Variants in PPARA observed in about 807,000 individuals in gnomAD.
PPARA encodes the protein peroxisome proliferator-activated receptor alpha.
Under a neutral mutation model 42.2 loss-of-function variants are expected in PPARA, and 22 were observed. That is an observed-to-expected ratio of 0.52 (90% CI 0.37 to 0.74). PPARA has a LOEUF of 0.74. PPARA is among the 30% of genes least tolerant of loss of function. PPARA has a pLI of 0.00. For synonymous variants in PPARA, 242 were observed against 239.3 expected, an observed-to-expected ratio of 1.01 and a Z score of -0.10; for missense variants, 465 against 608.2, an observed-to-expected ratio of 0.76 and a Z score of 2.48.
In PPARA at chr22:46,162,678, T is replaced by C. The variant is rs16994933; in HGVS notation, c.-127+10708T>C. Among the ~76,000 whole-genome samples, 5,230 of 152,266 alleles carry C rather than the reference T, an allele frequency of 0.034. 313 individuals carry two copies. The highest frequency in any genetic ancestry group is 0.12 in the African/African-American group (4,976 of 41,524). ...GGTTGAACCCGGAGCCTCTTGCTGG[T>C]AGGTGCTTCAGGACTGGCTCTGGGA... On this transcript the variant is annotated intron_variant, in intron 2 of 8. Coordinates refer to ENST00000407236, the MANE Select transcript of PPARA (RefSeq NM_005036.6). This position sits in a 1 kb window ranked among gnomAD's most constrained non-coding sequence, Gnocchi z 6.0.
intron 2 of PPARA, among the ~76,000 whole-genome samples, chr22:46,170,236 G>C (rs1214636717): frequency 6.6e-6 from 1 of 150,918 alleles, no homozygotes; most frequent in Non-Finnish European, 1.5e-5. Context: ...TTTGGTGGCA[G>C]GGGGGTGGGA....
Position 46,238,851 on chromosome 22 carries a change from G to A in PPARA, c.*3471G>A, listed in dbSNP as rs1054875216. 1.3e-5 allele frequency: 2 copies of A among 152,336 alleles called. No homozygotes were observed. The highest frequency in any genetic ancestry group is 2.9e-5 in the Non-Finnish European group (2 of 68,086). The allele number at this position is 152,336 out of a possible 1,614,324, so 9.4% of individuals were successfully genotyped here. On this transcript the variant is annotated 3_prime_UTR_variant, in exon 9 of 9. Coordinates refer to ENST00000407236, the MANE Select transcript of PPARA (RefSeq NM_005036.6). This position sits in a 1 kb window ranked among gnomAD's most constrained non-coding sequence, Gnocchi z 8.3. ...AACTGTGCAGGGCCTAAGGCCGTTT[G>A]GATGAATTGTCAAAACAAGATGCTT...
At position 46,210,533 on chromosome 22, in the gene PPARA, C is replaced by A. The variant is rs1933827935; in HGVS notation, c.209-4640C>A. Among the ~76,000 whole-genome samples, 4 of 151,948 alleles carry A rather than the reference C, an allele frequency of 2.6e-5. No homozygotes were observed. The South Asian group carries it at 8.3e-4, about 32-fold the overall frequency. On this transcript the variant is annotated intron_variant, in intron 4 of 8. Coordinates refer to ENST00000407236, the MANE Select transcript of PPARA (RefSeq NM_005036.6). ...TCTTGGCTCACTGCAACCTCCACCT[C>A]CTGGGTTCAAGTGATTCTCCTGCCT... is the stretch of plus-strand genomic sequence containing the variant.
At chr22:46,158,815 T>C (rs1925707390) in intron 2 of PPARA, among the ~76,000 whole-genome samples, 1 of 152,168 alleles carries the variant, frequency 6.6e-6, no homozygotes, top group Non-Finnish European at 1.5e-5. Context: ...ATGAGTAAAT[T>C]TGATAAATTC....
chr22:46,207,100 A>G (rs1242167644), intron 4 of PPARA, among the ~76,000 whole-genome samples: 1 of 151,598 alleles, frequency 6.6e-6, no homozygotes, highest in Non-Finnish European at 1.5e-5. Flanking sequence ...GCTCATGCCT[A>G]TAGTCCCTGC....
Position 46,185,917 on chromosome 22 carries a change from ATATATATATATATATATAT to A in PPARA, c.-43+9082_-43+9100del, listed in dbSNP as rs1208508205. On this transcript the variant is annotated intron_variant, in intron 3 of 8. Coordinates refer to ENST00000407236, the MANE Select transcript of PPARA (RefSeq NM_005036.6). ...CTCCAAAAAAAAAAAAAAAAAAAAA[ATATATATATATATATATAT>A]ATATATATATATATATATATATATA... is the stretch of plus-strand genomic sequence containing the variant. Among the ~76,000 whole-genome samples the A allele has an allele frequency of 5.0e-4, 5 of 10,100 alleles. 1 individual carries two copies. The highest frequency in any genetic ancestry group is 9.5e-4 in the African/African-American group (3 of 3,144). The allele number at this position is 10,100 out of a possible 152,430, so 6.6% of individuals were successfully genotyped here.
At chr22:46,172,712 G>A (rs891574940) in intron 2 of PPARA, among the ~76,000 whole-genome samples, 11 of 152,222 alleles carry the variant, frequency 7.2e-5, no homozygotes, top group African/African-American at 2.2e-4. Context: ...GTAAAAGACC[G>A]AGGTCACATC....
Position 46,234,075 on chromosome 22 carries a change from C to T in PPARA, c.1160-1058C>T, listed in dbSNP as rs1036999673. Among the ~76,000 whole-genome samples the T allele has an allele frequency of 1.8e-4, 27 of 152,206 alleles. No individual in the cohort carries two copies. The highest frequency in any genetic ancestry group is 2.6e-4 in the African/African-American group (11 of 41,548). ...CTGACCCCGGGTGACCCACCCACCT[C>T]GGCCTCCCAAAGTGCTGGGATTACA... On this transcript the variant is annotated intron_variant, in intron 8 of 8. Coordinates refer to ENST00000407236, the MANE Select transcript of PPARA (RefSeq NM_005036.6). This position sits in a 1 kb window ranked among gnomAD's most constrained non-coding sequence, Gnocchi z 5.8.
At chr22:46,151,513 G>A (rs1387276814) in intron 1 of PPARA, among the ~76,000 whole-genome samples, 1 of 152,282 alleles carries the variant, frequency 6.6e-6, no homozygotes, top group African/African-American at 2.4e-5. Context: ...CTGCACGCCT[G>A]TGCTTTTCTG....
chr22:46,218,226 C>T, intron 5 of PPARA, 37 bp from the exon 6 acceptor site: 1 of 1,613,252 alleles, frequency 6.2e-7, no homozygotes, highest in Non-Finnish European at 8.5e-7. Flanking sequence ...TTCTCAGTGG[C>T]CCAGGTCTTT....
In PPARA at chr22:46,204,540, G is replaced by T. The variant is rs1933040658; in HGVS notation, c.208+5949G>T. On this transcript the variant is annotated intron_variant, in intron 4 of 8. Transcript: ENST00000407236. This position sits in a 1 kb window ranked among gnomAD's most constrained non-coding sequence, Gnocchi z 5.2. ...CCCTCATCAACATGAGGCATGATCA[G>T]TCTTTTTAATTTTAACCATGTCAGT... Among the ~76,000 whole-genome samples, 1 of 152,150 alleles carries T rather than the reference G, an allele frequency of 6.6e-6. No individual in the cohort carries two copies. The highest frequency in any genetic ancestry group is 2.4e-5 in the African/African-American group (1 of 41,440).
At position 46,191,165 on chromosome 22, in the gene PPARA, G is replaced by T. The variant is rs1452370351; in HGVS notation, c.-42-7177G>T. Among the ~76,000 whole-genome samples the T allele has an allele frequency of 6.6e-6, 1 of 152,182 alleles. No homozygotes were observed. The highest frequency in any genetic ancestry group is 1.5e-5 in the Non-Finnish European group (1 of 68,030). On this transcript the variant is annotated intron_variant, in intron 3 of 8. Coordinates refer to ENST00000407236, the MANE Select transcript of PPARA (RefSeq NM_005036.6). The surrounding 1 kb of genome is among the most constrained non-coding windows in gnomAD (Gnocchi z 4.6). Reference sequence around the variant, plus strand: ...GCCGAGATTGCACAACTGCACTCCAGCCTGGGTGACAGAGTGAGACTGCAT... The same window carrying T: ...GCCGAGATTGCACAACTGCACTCCATCCTGGGTGACAGAGTGAGACTGCAT...
At position 46,212,411 on chromosome 22, in the gene PPARA, A is replaced by G. The variant is rs961981141; in HGVS notation, c.209-2762A>G. On this transcript the variant is annotated intron_variant, in intron 4 of 8. Coordinates refer to ENST00000407236, the MANE Select transcript of PPARA (RefSeq NM_005036.6). This position sits in a 1 kb window ranked among gnomAD's most constrained non-coding sequence, Gnocchi z 4.2. ...ACCACATCAAAAAACCCCATGCTTCACCTATTCAACCCTGCCTCTCCCACC... is the reference window on the plus strand; with the variant it reads ...ACCACATCAAAAAACCCCATGCTTCGCCTATTCAACCCTGCCTCTCCCACC... 6.6e-6 allele frequency among the ~76,000 whole-genome samples: 1 copy of G among 152,016 alleles called. No individual in the cohort carries two copies. The highest frequency in any genetic ancestry group is 2.4e-5 in the African/African-American group (1 of 41,404).
In PPARA at chr22:46,198,366, C is replaced by T. The variant is rs771796725; in HGVS notation, c.-18C>T. 7 of 1,612,564 alleles carry T rather than the reference C, an allele frequency of 4.3e-6. No homozygotes were observed. In the South Asian group the frequency reaches 6.6e-5, roughly 15 times the overall value. On this transcript the variant is annotated 5_prime_UTR_variant, in exon 4 of 9. Transcript: ENST00000407236. ...GTAGCTTGGAGCTCGGCGGCACAACCAGCACCATCTGGTCGCGATGGTGGA... is the reference window on the plus strand; with the variant it reads ...GTAGCTTGGAGCTCGGCGGCACAACTAGCACCATCTGGTCGCGATGGTGGA...
In PPARA at chr22:46,212,766, C is replaced by T. The variant is rs1304393397; in HGVS notation, c.209-2407C>T. 3.3e-5 allele frequency among the ~76,000 whole-genome samples: 5 copies of T among 152,104 alleles called. No individual in the cohort carries two copies. Among genetic ancestry groups the T allele is most frequent in the Admixed American group, 2.0e-4 (3 of 15,268 alleles). On this transcript the variant is annotated intron_variant, in intron 4 of 8. Coordinates refer to ENST00000407236, the MANE Select transcript of PPARA (RefSeq NM_005036.6). This position sits in a 1 kb window ranked among gnomAD's most constrained non-coding sequence, Gnocchi z 4.2. ...ATCCCAGCATTTTGGGAGGCCAAGG[C>T]GGGCAGATCACTTGAGGTCAGGAGT...
At position 46,232,147 on chromosome 22, in the gene PPARA, A is replaced by T; in HGVS notation, c.1067A>T (p.Glu356Val). The T allele has an allele frequency of 6.2e-7, 1 of 1,614,240 alleles. No individual in the cohort carries two copies. The highest frequency in any genetic ancestry group is 8.5e-7 in the Non-Finnish European group (1 of 1,180,046). ...AGGAAACCGTTCTGTGATATCATGG[A>T]ACCCAAGTTTGATTTTGCCATGAAG... ...SLRKPFCDIM[E>V]PKFDFAMKFN... Residue 356 changes from glutamate to valine, a missense_variant, in exon 8 of 9, where the codon GAA becomes GTA. By Grantham distance (121) the Glu-to-Val change is moderately radical (BLOSUM62 -2). Coordinates refer to ENST00000407236, the MANE Select transcript of PPARA (RefSeq NM_005036.6). This position sits in a 1 kb window ranked among gnomAD's most constrained non-coding sequence, Gnocchi z 5.3.
rs1936325839 is a variant in PPARA, at chr22:46,239,828, T to A, written c.*4448T>A. ...CTGAACTTGCACCTGGGCCTCTCTG[T>A]GTTTGGTTCCAAGCACTTCCCACCT... On this transcript the variant is annotated 3_prime_UTR_variant, in exon 9 of 9. Coordinates refer to ENST00000407236, the MANE Select transcript of PPARA (RefSeq NM_005036.6). 1 of 203,624 alleles carries A rather than the reference T, an allele frequency of 4.9e-6. No individual in the cohort carries two copies. Among genetic ancestry groups the A allele is most frequent in the African/African-American group, 2.3e-5 (1 of 43,392 alleles). 12.6% of individuals were successfully genotyped at this position (203,624 alleles called of 1,614,324 possible).
Position 46,184,230 on chromosome 22 carries a change from A to G in PPARA, c.-43+7394A>G, listed in dbSNP as rs1391781989. ...AACAATAATATTGCAGTGCAAATTA[A>G]ACACAAGCAACCTGCAACACGCCAC... On this transcript the variant is annotated intron_variant, in intron 3 of 8. Transcript: ENST00000407236. This position sits in a 1 kb window ranked among gnomAD's most constrained non-coding sequence, Gnocchi z 4.4. 2.0e-5 allele frequency among the ~76,000 whole-genome samples: 3 copies of G among 152,212 alleles called. No homozygotes were observed. Among genetic ancestry groups the G allele is most frequent in the Non-Finnish European group, 2.9e-5 (2 of 68,030 alleles).
At position 46,235,303 on chromosome 22, in the gene PPARA, G is replaced by C; in HGVS notation, c.1330G>C (p.Val444Leu). Residue 444 changes from valine to leucine, a missense_variant, in exon 9 of 9, where the codon GTG (valine) becomes CTG (leucine). By Grantham distance (32) the Val-to-Leu change is conservative. Around this residue, in one of 2 missense-constraint regions of PPARA, gnomAD observed 313 missense variants for 469.1 expected, o/e 0.67. Transcript: ENST00000407236. This position sits in a 1 kb window ranked among gnomAD's most constrained non-coding sequence, Gnocchi z 7.0. ...GCTGGTGACGGAGCATGCGCAGCTG[G>C]TGCAGATCATCAAGAAGACGGAGTC... The part of the protein sequence containing the change: ...RQLVTEHAQL[V>L]QIIKKTESDA... 6.2e-7 allele frequency: 1 copy of C among 1,614,098 alleles called. No homozygotes were observed. The highest frequency in any genetic ancestry group is 8.5e-7 in the Non-Finnish European group (1 of 1,180,034).
Sources: allele counts gnomAD v4.1 joint callset (sites outside exome capture counted in the v4.1 genomes callset), GRCh38; gene constraint gnomAD v4.1.1; regional missense constraint gnomAD v4.1.1; non-coding constraint Gnocchi (gnomAD v3.1); transcripts MANE v1.5; gene names NCBI Gene and HGNC (gene_info 2026-07-23, HGNC 2026-07-21).